Variants in NCAM2 observed in about 807,000 individuals in gnomAD.
The protein encoded by NCAM2 is neural cell adhesion molecule 2.
A neutral mutation model predicts 98.1 loss-of-function variants in NCAM2; 30 were observed. The observed-to-expected ratio is 0.31, with a 90% CI of 0.23 to 0.41. The LOEUF (loss-of-function observed/expected upper bound fraction) is 0.41, where lower values mean the gene tolerates loss of function less well. Among genes scored for constraint, NCAM2 ranks in the 10% least tolerant of loss-of-function variants. The pLI is 1.00. For synonymous variants in NCAM2, 368 were observed against 342.4 expected (o/e 1.07, Z -0.83); for missense variants, 867 against 1,005.8 (o/e 0.86, Z 1.87).
chr21:21,282,149 C>T lies in NCAM2; in HGVS notation c.130+1497C>T, dbSNP rs547853552. On this transcript the variant is annotated intron_variant, in intron 2 of 17. Coordinates refer to ENST00000400546, the MANE Select transcript of NCAM2 (RefSeq NM_004540.5). ...CATATAGGTTACTGTTTCTAAATCCCATCCATATTTTATTAATATCCTCAT... is the reference window on the plus strand; with the variant it reads ...CATATAGGTTACTGTTTCTAAATCCTATCCATATTTTATTAATATCCTCAT... Among the ~76,000 whole-genome samples, 4 of 151,834 alleles carry T rather than the reference C, an allele frequency of 2.6e-5. No homozygotes were observed. The East Asian group carries it at 7.7e-4, about 29-fold the overall frequency.
intron 1 of NCAM2, among the ~76,000 whole-genome samples, chr21:21,015,892 A>G (rs2064298676): frequency 6.6e-6 from 1 of 151,948 alleles, no homozygotes; most frequent in Non-Finnish European, 1.5e-5. Context: ...TATTTTTAGT[A>G]GAGACAGGGT....
intron 9 of NCAM2, among the ~76,000 whole-genome samples, chr21:21,376,679 C>A (rs1036231022): frequency 6.6e-6 from 1 of 151,638 alleles, no homozygotes; most frequent in East Asian, 1.9e-4. Context: ...ACATTGGGTA[C>A]TTTATTTTTC....
At chr21:21,374,073 T>C in intron 9 of NCAM2, 60 bp downstream of exon 9, 3 of 1,532,846 alleles carry the variant, frequency 2.0e-6, no homozygotes, top group South Asian at 2.4e-5. Flanking sequence ...AAACATATGA[T>C]TTTTCAATAA....
chr21:21,520,997 G>A (rs928658036), intron 16 of NCAM2, among the ~76,000 whole-genome samples: 5 of 152,078 alleles, frequency 3.3e-5, no homozygotes, highest in African/African-American at 9.7e-5. Flanking sequence ...ATAGAAGGGG[G>A]AAGTAACTAC....
intron 9 of NCAM2, among the ~76,000 whole-genome samples, chr21:21,378,452 G>C (rs577479724): frequency 1.3e-5 from 2 of 152,082 alleles, no homozygotes; most frequent in South Asian, 4.1e-4. Context: ...TTAGGTACTT[G>C]TTGGCCATTT....
intron 3 of NCAM2, among the ~76,000 whole-genome samples, chr21:21,285,549 C>A (rs1162714002): frequency 6.6e-6 from 1 of 151,722 alleles, no homozygotes; most frequent in Non-Finnish European, 1.5e-5. Context: ...TTTGGAAATA[C>A]TTCTTTATTT....
chr21:21,362,543 C>T lies in NCAM2; in HGVS notation c.1045-11320C>T, dbSNP rs943589895. ...GGGTAGCTGGGACTACAGGCACATG[C>T]CACCATGCCCAGCTTATCCTACTCT... On this transcript the variant is annotated intron_variant, in intron 8 of 17. Coordinates refer to ENST00000400546, the MANE Select transcript of NCAM2 (RefSeq NM_004540.5). Among the ~76,000 whole-genome samples, 8 of 152,062 alleles carry T rather than the reference C, an allele frequency of 5.3e-5. No individual in the cohort carries two copies. The East Asian group carries it at 1.5e-3, about 29-fold the overall frequency.
chr21:21,492,315 A>C (rs1209272471), intron 15 of NCAM2, among the ~76,000 whole-genome samples: 1 of 151,762 alleles, frequency 6.6e-6, no homozygotes, highest in South Asian at 2.1e-4. Context: ...TTCCTTTGCT[A>C]TTTTCTTGAT....
intron 1 of NCAM2, among the ~76,000 whole-genome samples, chr21:21,135,940 A>T (rs2067040888): frequency 1.9e-5 from 1 of 51,690 alleles, no homozygotes; most frequent in Non-Finnish European, 3.9e-5. Flanking sequence ...CCATGTATTT[A>T]AAAAAAATTG....
At chr21:21,251,844 T>C (rs1249670871) in intron 1 of NCAM2, among the ~76,000 whole-genome samples, 3 of 152,034 alleles carry the variant, frequency 2.0e-5, no homozygotes, top group East Asian at 1.9e-4. Flanking sequence ...TCCCATTCTG[T>C]AGGTTGCCTG....
chr21:21,027,858 G>GCTTCT (rs1555872707), intron 1 of NCAM2, among the ~76,000 whole-genome samples: 1 of 142,522 alleles, frequency 7.0e-6, no homozygotes, highest in African/African-American at 2.6e-5. Flanking sequence ...TGTTTCTTAA[G>GCTTCT]TTTTTTTTTT....
chr21:21,537,620 CTCTT>C (rs75383293), intron 17 of NCAM2, among the ~76,000 whole-genome samples: 20,892 of 151,936 alleles, frequency 0.14, 1,720 homozygotes, highest in Non-Finnish European at 0.19. Context: ...TGTTTTTACT[CTCTT>C]TTAGATCTTT....
At chr21:21,288,746 T>A (rs2073189733) in intron 4 of NCAM2, among the ~76,000 whole-genome samples, 1 of 151,876 alleles carries the variant, frequency 6.6e-6, no homozygotes, top group Admixed American at 6.6e-5. Context: ...TACAATTATG[T>A]ATGAGGATTT....
intron 1 of NCAM2, among the ~76,000 whole-genome samples, chr21:21,082,048 T>G (rs1161320793): frequency 1.3e-5 from 2 of 151,020 alleles, no homozygotes; most frequent in Non-Finnish European, 3.0e-5. Context: ...ACCAACAAGA[T>G]GAAACCCCAT....
intron 10 of NCAM2, among the ~76,000 whole-genome samples, chr21:21,411,599 C>A (rs2076889311): frequency 6.6e-6 from 1 of 152,096 alleles, no homozygotes; most frequent in Non-Finnish European, 1.5e-5. Context: ...ATGATCATCA[C>A]CCTTTCCAAA....
intron 1 of NCAM2, among the ~76,000 whole-genome samples, chr21:21,072,703 C>T (rs1240166329): frequency 1.3e-5 from 2 of 152,072 alleles, no homozygotes; most frequent in East Asian, 3.9e-4. Flanking sequence ...ATTAGTGTAA[C>T]TTGCCTAAAA....
chr21:21,062,240 T>C (rs1441499727), intron 1 of NCAM2, among the ~76,000 whole-genome samples: 1 of 152,200 alleles, frequency 6.6e-6, no homozygotes, highest in Non-Finnish European at 1.5e-5. Context: ...ATATTTAAAA[T>C]TACTTCCATC....
chr21:21,540,395 C>T lies in NCAM2; in HGVS notation c.*2438C>T, dbSNP rs1003191148. 5 of 151,686 alleles carry T rather than the reference C, an allele frequency of 3.3e-5. No homozygotes were observed. The highest frequency in any genetic ancestry group is 1.2e-4 in the African/African-American group (5 of 41,422). 9.4% of individuals were successfully genotyped at this position (151,686 alleles called of 1,614,324 possible). On this transcript the variant is annotated 3_prime_UTR_variant, in exon 18 of 18. Transcript: ENST00000400546. ...AATTATATTCAGACTATTTCAAGTGCACTGTTTCAGTTGCCCGGGTGGTCC... is the reference window on the plus strand; with the variant it reads ...AATTATATTCAGACTATTTCAAGTGTACTGTTTCAGTTGCCCGGGTGGTCC...
At chr21:21,477,225 T>C in intron 14 of NCAM2, 66 bp from the exon 15 acceptor site, 1 of 1,263,824 alleles carries the variant, frequency 7.9e-7, no homozygotes. Context: ...TCCAATATAA[T>C]TTTTTTAAAA....
Sources: allele counts gnomAD v4.1 joint callset (sites outside exome capture counted in the v4.1 genomes callset), GRCh38; gene constraint gnomAD v4.1.1; transcripts MANE v1.5; gene names NCBI Gene and HGNC (gene_info 2026-07-23, HGNC 2026-07-21).